Variants in MRTFB observed in about 807,000 individuals in gnomAD.
The protein encoded by MRTFB is myocardin-related transcription factor B.
Under a neutral mutation model 104.2 loss-of-function variants are expected in MRTFB, and 29 were observed. That is an observed-to-expected ratio of 0.28 (90% CI 0.21 to 0.38). MRTFB has a LOEUF of 0.38. Among genes scored for constraint, MRTFB ranks in the 10% least tolerant of loss-of-function variants. The pLI is 1.00. For missense variants in MRTFB, 1,270 were observed against 1,341.6 expected, an observed-to-expected ratio of 0.95 and a Z score of 0.83; for synonymous variants, 535 against 519.5, an observed-to-expected ratio of 1.03 and a Z score of -0.41.
chr16:14,069,959 G>A (rs1164549409), upstream of MRTFB, among the ~76,000 whole-genome samples: 1 of 152,238 alleles, frequency 6.6e-6, no homozygotes, highest in Non-Finnish European at 1.5e-5. Flanking sequence ...TGAGTTGAGT[G>A]AGGTTGAAAC....
chr16:14,178,114 C>T (rs1450114891), intron 3 of MRTFB, among the ~76,000 whole-genome samples: 1 of 152,082 alleles, frequency 6.6e-6, no homozygotes, highest in Non-Finnish European at 1.5e-5. Context: ...GTGTAATACA[C>T]TGATCACAGT....
the MRTFB span, among the ~76,000 whole-genome samples, chr16:14,014,388 TA>T: frequency 6.7e-6 from 1 of 149,924 alleles, no homozygotes; most frequent in Non-Finnish European, 1.5e-5. Context: ...CTCTACAAAT[TA>T]AAAAAAAATA....
At chr16:14,169,930 G>T (rs776280522) in intron 3 of MRTFB, among the ~76,000 whole-genome samples, 4 of 151,936 alleles carry the variant, frequency 2.6e-5, no homozygotes, top group Non-Finnish European at 4.4e-5. Flanking sequence ...TTAGGGGTTG[G>T]CCTTTTTTCA....
At chr16:14,072,553 C>T (rs187856954) in intron 1 of MRTFB, among the ~76,000 whole-genome samples, 3 of 152,284 alleles carry the variant, frequency 2.0e-5, no homozygotes, top group East Asian at 1.9e-4. Context: ...GGTGTGGTGG[C>T]GCACACCTGT....
At chr16:14,225,605 TAAAAAC>T (rs764191693) in intron 8 of MRTFB, among the ~76,000 whole-genome samples, 1 of 152,152 alleles carries the variant, frequency 6.6e-6, no homozygotes, top group African/African-American at 2.4e-5. Context: ...TATAGGAACT[TAAAAAC>T]AGAAGCAATG....
chr16:14,236,879 A>C (rs2042540639), intron 9 of MRTFB, among the ~76,000 whole-genome samples: 1 of 152,190 alleles, frequency 6.6e-6, no homozygotes, highest in Admixed American at 6.5e-5. Flanking sequence ...AGACAGTGGC[A>C]GCTGGGGAGA....
At chr16:14,228,831 C>T (rs2151287617) in intron 8 of MRTFB, among the ~76,000 whole-genome samples, 1 of 152,174 alleles carries the variant, frequency 6.6e-6, no homozygotes, top group Middle Eastern at 3.4e-3. Flanking sequence ...AAGACAAATA[C>T]TGTGTGATTC....
chr16:14,131,893 C>G (rs1435667664), intron 2 of MRTFB, among the ~76,000 whole-genome samples: 1 of 152,100 alleles, frequency 6.6e-6, no homozygotes, highest in African/African-American at 2.4e-5. Context: ...TGGTTACACA[C>G]AGACTTACCC....
intron 15 of MRTFB, among the ~76,000 whole-genome samples, chr16:14,253,276 A>C (rs190970043): frequency 6.6e-6 from 1 of 152,198 alleles, no homozygotes; most frequent in Non-Finnish European, 1.5e-5. Flanking sequence ...CCTTTGAGGG[A>C]AGAACCCCAG....
At chr16:14,152,656 T>C (rs1016875776) in intron 3 of MRTFB, 1 of 152,180 alleles carries the variant, frequency 6.6e-6, no homozygotes, top group African/African-American at 2.4e-5. Context: ...GGGATTTATT[T>C]GGCTTGTAGT....
intron 2 of MRTFB, among the ~76,000 whole-genome samples, chr16:14,115,060 T>C (rs1341324793): frequency 2.0e-5 from 3 of 152,210 alleles, no homozygotes; most frequent in African/African-American, 7.2e-5. Context: ...TTTGCAGCAC[T>C]TGACACAAGT....
At chr16:14,090,924 T>TGTGTGTGTGTGTG (rs2035023659) in intron 2 of MRTFB, among the ~76,000 whole-genome samples, 1 of 128,116 alleles carries the variant, frequency 7.8e-6, no homozygotes, top group East Asian at 2.8e-4. Context: ...GTGTGTGTAG[T>TGTGTGTGTGTGTG]TCTGTATAGT....
chr16:14,061,916 C>G, the MRTFB span, among the ~76,000 whole-genome samples: 3 of 152,096 alleles, frequency 2.0e-5, no homozygotes, highest in Non-Finnish European at 4.4e-5. Flanking sequence ...GAAATTGCTC[C>G]CTTCCTCCCT....
chr16:14,200,186 C>T (rs2040619949), intron 3 of MRTFB: 4 of 905,438 alleles, frequency 4.4e-6, no homozygotes, highest in Non-Finnish European at 6.5e-6. Flanking sequence ...TGAGGATATT[C>T]ATTATAGCAT....
chr16:14,092,251 G>A (rs918970318), intron 2 of MRTFB, among the ~76,000 whole-genome samples: 1 of 151,744 alleles, frequency 6.6e-6, no homozygotes, highest in Non-Finnish European at 1.5e-5. Context: ...TTTTTGCTGC[G>A]ATTCTCCAGA....
the MRTFB span, among the ~76,000 whole-genome samples, chr16:14,003,640 G>GCCTGCCTGCCTGCCTC: frequency 3.4e-5 from 5 of 146,684 alleles, no homozygotes; most frequent in African/African-American, 1.3e-4. Context: ...CTGCCTGCCT[G>GCCTGCCTGCCTGCCTC]CCTCCCTCCC....
Position 14,140,714 on chromosome 16 carries a change from C to T in MRTFB, c.108C>T (p.Ser36=), listed in dbSNP as rs114687096. 1 of 1,614,156 alleles carries T rather than the reference C, an allele frequency of 6.2e-7. No individual in the cohort carries two copies. Among genetic ancestry groups the T allele is most frequent in the African/African-American group, 1.3e-5 (1 of 75,034 alleles). The change falls in exon 3 of 17, where the codon TCC becomes TCT. Residue 36 remains serine, a synonymous_variant. Transcript: ENST00000571589. ...TGGCTCATGAATTCCAGGAACTCTC[C>T]TTGCAGTCCAGTCAAAACTTACCCC... ...EAVAHEFQEL[S]LQSSQNLPPL... is the part of the protein sequence containing the mutation.
intron 2 of MRTFB, among the ~76,000 whole-genome samples, chr16:14,083,706 T>G (rs1046424714): frequency 3.9e-5 from 6 of 152,150 alleles, no homozygotes. Context: ...CTTTTAAAAT[T>G]TTTGTGCTAT....
At chr16:14,236,153 C>A (rs535115239) in intron 9 of MRTFB, among the ~76,000 whole-genome samples, 2 of 117,400 alleles carry the variant, frequency 1.7e-5, no homozygotes, top group African/African-American at 1.3e-4. Flanking sequence ...TGCACTCCAG[C>A]CTACTCCAGC....
Sources: gnomAD v4.1 joint callset for allele counts (sites outside exome capture counted in the v4.1 genomes callset) on GRCh38, gnomAD v4.1.1 for gene constraint, MANE v1.5 for transcripts, NCBI Gene and HGNC (gene_info 2026-07-23, HGNC 2026-07-21) for gene names.